JPH3: variants seen among roughly 807,000 people sequenced by gnomAD.
JPH3 encodes junctophilin 3, also known as junctophilin-3.
Under a neutral mutation model 59.6 loss-of-function variants are expected in JPH3, and 11 were observed. The observed-to-expected ratio is 0.18, with a 90% confidence interval of 0.12 to 0.31. The LOEUF is 0.31. JPH3 is among the 10% of genes least tolerant of loss of function. The probability of loss-of-function intolerance (pLI) is 1.00; values close to 1 mark genes in which losing one functional copy is unlikely to be tolerated. For synonymous variants in JPH3, 673 were observed against 483.6 expected (o/e 1.39, Z -5.14); for missense variants, 1,202 against 1,105.7 (o/e 1.09, Z -1.24).
At chr16:87,660,508 G>T (rs1211537784) in intron 2 of JPH3, among the ~76,000 whole-genome samples, 3 of 152,208 alleles carry the variant, frequency 2.0e-5, no homozygotes, top group Non-Finnish European at 4.4e-5. Flanking sequence ...CCACAGGCTG[G>T]ACTGGGCGCC....
rs888897397 is a variant in JPH3, at chr16:87,611,946, G to T, written c.382+8418G>T. Among the ~76,000 whole-genome samples, 2 of 152,184 alleles carry T rather than the reference G, an allele frequency of 1.3e-5. No individual in the cohort carries two copies. Among genetic ancestry groups the T allele is most frequent in the African/African-American group, 2.4e-5 (1 of 41,452 alleles). Reference sequence around the variant, plus strand: ...CCTGCCTGACCTCCAGGGTCAGGATGTGTGTTTGGAGATGCTCAGGTGGCT... The same window carrying T: ...CCTGCCTGACCTCCAGGGTCAGGATTTGTGTTTGGAGATGCTCAGGTGGCT... On this transcript the variant is annotated intron_variant, in intron 1 of 4. Transcript: ENST00000284262. This position sits in a 1 kb window ranked among gnomAD's most constrained non-coding sequence, Gnocchi z 4.5.
chr16:87,642,562 C>T (rs2031989668), intron 1 of JPH3, among the ~76,000 whole-genome samples: 1 of 152,266 alleles, frequency 6.6e-6, no homozygotes, highest in Non-Finnish European at 1.5e-5. Context: ...GGCCTCTGGT[C>T]TGCAGCCTGT....
At chr16:87,628,250 C>T (rs868514892) in intron 1 of JPH3, among the ~76,000 whole-genome samples, 8 of 152,280 alleles carry the variant, frequency 5.3e-5, no homozygotes, top group Non-Finnish European at 8.8e-5. Flanking sequence ...CTGGCATGGG[C>T]GGGTCAGAAG....
chr16:87,681,235 G>A (rs1307314514), intron 2 of JPH3, among the ~76,000 whole-genome samples: 7 of 146,392 alleles, frequency 4.8e-5, no homozygotes, highest in African/African-American at 1.5e-4. Flanking sequence ...AGGTGCGCGC[G>A]GTGATGACAG....
intron 2 of JPH3, among the ~76,000 whole-genome samples, chr16:87,681,129 TGC>T (rs1488901680): frequency 3.9e-5 from 6 of 151,966 alleles, no homozygotes; most frequent in African/African-American, 1.5e-4. Flanking sequence ...GGAGGTCAGG[TGC>T]GCGCGGTGAT....
chr16:87,669,902 G>A (rs2032970933), intron 2 of JPH3, among the ~76,000 whole-genome samples: 1 of 152,182 alleles, frequency 6.6e-6, no homozygotes, highest in African/African-American at 2.4e-5. Context: ...GCCTCTCTCG[G>A]TGAGGGCCGG....
chr16:87,604,374 C>T, intron 1 of JPH3: 1 of 1,438,868 alleles, frequency 6.9e-7, no homozygotes, highest in African/African-American at 1.4e-5. Context: ...TCTGCAGCTG[C>T]CCGCCTGCCT....
At chr16:87,670,751 C>T (rs2032993816) in intron 2 of JPH3, among the ~76,000 whole-genome samples, 1 of 152,242 alleles carries the variant, frequency 6.6e-6, no homozygotes, top group South Asian at 2.1e-4. Flanking sequence ...GGGGCCTACG[C>T]AGGGGCCTGC....
intron 1 of JPH3, among the ~76,000 whole-genome samples, chr16:87,618,887 G>A (rs1386410748): frequency 6.6e-6 from 1 of 152,174 alleles, no homozygotes; most frequent in East Asian, 1.9e-4. Flanking sequence ...CCAGGAGTTT[G>A]AGACCAGCCT....
chr16:87,604,789 A>G, intron 1 of JPH3: 1 of 376,756 alleles, frequency 2.7e-6, no homozygotes, highest in South Asian at 1.1e-4. Context: ...TTACCCGAAG[A>G]GGAGGAGGAG....
At chr16:87,629,320 A>C (rs1052501372) in intron 1 of JPH3, among the ~76,000 whole-genome samples, 1 of 152,208 alleles carries the variant, frequency 6.6e-6, no homozygotes, top group African/African-American at 2.4e-5. Flanking sequence ...CAGCTGATGC[A>C]GGAGTTTTAG....
Position 87,616,692 on chromosome 16 carries a change from G to A in JPH3, c.382+13164G>A, listed in dbSNP as rs577191618. Among the ~76,000 whole-genome samples, 14 of 152,248 alleles carry A rather than the reference G, an allele frequency of 9.2e-5. No individual in the cohort carries two copies. The South Asian group carries it at 1.2e-3, about 14-fold the overall frequency. ...CATCCTGTGCAACTGATGACATGTCGGAACCGGATATTGACGTGGACACAG... is the reference window on the plus strand; with the variant it reads ...CATCCTGTGCAACTGATGACATGTCAGAACCGGATATTGACGTGGACACAG... On this transcript the variant is annotated intron_variant, in intron 1 of 4. Transcript: ENST00000284262.
Position 87,681,612 on chromosome 16 carries a change from C to T in JPH3, c.1161-2530C>T, listed in dbSNP as rs574841046. 6.4e-3 allele frequency among the ~76,000 whole-genome samples: 922 copies of T among 144,712 alleles called. 8 individuals are homozygous for T. Among genetic ancestry groups the T allele is most frequent in the African/African-American group, 0.023 (879 of 38,312 alleles). 94.9% of individuals were successfully genotyped at this position (144,712 alleles called of 152,430 possible). A position where few individuals can be genotyped will look rare whatever the true frequency, so the allele number is the denominator to read the frequency against. On this transcript the variant is annotated intron_variant, in intron 2 of 4. Coordinates refer to ENST00000284262, the MANE Select transcript of JPH3 (RefSeq NM_020655.4). ...CAGGTGCGCGCGGTGATGACAGTGC[C>T]GGGAGGTCAGGTGCGCGCGGTCGTG... is the stretch of plus-strand genomic sequence containing the variant.
At chr16:87,653,702 C>T (rs990744066) in intron 2 of JPH3, 1 of 152,160 alleles carries the variant, frequency 6.6e-6, no homozygotes, top group African/African-American at 2.4e-5. Context: ...CCCTAAAGTT[C>T]ATGCCAGTTA....
chr16:87,635,774 C>A (rs1328083963), intron 1 of JPH3, among the ~76,000 whole-genome samples: 1 of 152,106 alleles, frequency 6.6e-6, no homozygotes, highest in Non-Finnish European at 1.5e-5. Flanking sequence ...AGCTGGGGTC[C>A]ACCCACGTCT....
intron 2 of JPH3, among the ~76,000 whole-genome samples, chr16:87,669,740 C>G (rs184245191): frequency 6.6e-6 from 1 of 152,284 alleles, no homozygotes; most frequent in Admixed American, 6.5e-5. Flanking sequence ...AAGCTGGACC[C>G]AGGCAGAAAA....
At chr16:87,676,597 G>A (rs965510284) in intron 2 of JPH3, among the ~76,000 whole-genome samples, 1 of 151,700 alleles carries the variant, frequency 6.6e-6, no homozygotes. Flanking sequence ...AGTCAGGCAT[G>A]GTGGTGCGCG....
chr16:87,623,784 TC>T (rs1309057762), intron 1 of JPH3, among the ~76,000 whole-genome samples: 2 of 152,130 alleles, frequency 1.3e-5, no homozygotes, highest in Non-Finnish European at 2.9e-5. Context: ...TTTTGGGGTG[TC>T]TTTGGAGGTT....
At chr16:87,612,123 T>C (rs578194320) in intron 1 of JPH3, among the ~76,000 whole-genome samples, 1 of 152,328 alleles carries the variant, frequency 6.6e-6, no homozygotes, top group African/African-American at 2.4e-5. Flanking sequence ...TGGGATTCTT[T>C]TTATTTTAAT....
Sources: allele counts gnomAD v4.1 joint callset (sites outside exome capture counted in the v4.1 genomes callset), GRCh38; gene constraint gnomAD v4.1.1; non-coding constraint Gnocchi (gnomAD v3.1); transcripts MANE v1.5; gene names NCBI Gene and HGNC (gene_info 2026-07-23, HGNC 2026-07-21).